Variants in ESRRG observed in about 807,000 individuals in gnomAD.
The protein encoded by ESRRG is estrogen related receptor gamma.
Under a neutral mutation model 44.0 loss-of-function variants are expected in ESRRG, and 13 were observed. That is an observed-to-expected ratio of 0.30 (90% CI 0.19 to 0.47). The LOEUF is 0.47. ESRRG is among the 20% of genes least tolerant of loss of function. The pLI, the probability that ESRRG is intolerant of heterozygous loss-of-function variation, is 1.00. For synonymous variants in ESRRG, 215 were observed against 214.6 expected (o/e 1.00, Z -0.02); for missense variants, 395 against 580.6 (o/e 0.68, Z 3.29).
chr1:216,930,041 G>A (rs1438320953), intron 2 of ESRRG, among the ~76,000 whole-genome samples: 1 of 152,090 alleles, frequency 6.6e-6, no homozygotes, highest in East Asian at 1.9e-4. Flanking sequence ...GTCCAGGAGA[G>A]ACCCCTCACC....
At chr1:216,947,094 C>T (rs2066181193) in intron 1 of ESRRG, among the ~76,000 whole-genome samples, 1 of 152,012 alleles carries the variant, frequency 6.6e-6, no homozygotes, top group South Asian at 2.1e-4. Flanking sequence ...TTTTTTTAAT[C>T]ACCATTATCC....
intron 2 of ESRRG, among the ~76,000 whole-genome samples, chr1:216,782,677 A>C (rs1486644043): frequency 6.6e-6 from 1 of 152,066 alleles, no homozygotes; most frequent in East Asian, 1.9e-4. Context: ...GAATGCTATA[A>C]CATTTTGTCA....
chr1:216,924,310 G>A (rs1273781234), intron 2 of ESRRG, among the ~76,000 whole-genome samples: 1 of 152,108 alleles, frequency 6.6e-6, no homozygotes, highest in Admixed American at 6.5e-5. Flanking sequence ...ATCCTAACAT[G>A]CAGATTTCCA....
intron 1 of ESRRG, among the ~76,000 whole-genome samples, chr1:217,002,539 G>A (rs1306568548): frequency 6.6e-6 from 1 of 151,996 alleles, no homozygotes; most frequent in South Asian, 2.1e-4. Context: ...TGGTCATCTA[G>A]GATGATCTTT....
At chr1:216,811,064 A>C (rs2094953914) in intron 2 of ESRRG, among the ~76,000 whole-genome samples, 1 of 152,056 alleles carries the variant, frequency 6.6e-6, no homozygotes. Flanking sequence ...AGAGAATAAC[A>C]ATGAGTAAAA....
intron 3 of ESRRG, among the ~76,000 whole-genome samples, chr1:216,643,076 C>A (rs2066776833): frequency 6.6e-6 from 1 of 152,158 alleles, no homozygotes; most frequent in South Asian, 2.1e-4. Flanking sequence ...TCAGAAGACT[C>A]TCAGAGTTCC....
chr1:216,847,787 C>T (rs1239394236), intron 2 of ESRRG, among the ~76,000 whole-genome samples: 1 of 152,046 alleles, frequency 6.6e-6, no homozygotes, highest in Non-Finnish European at 1.5e-5. Context: ...GGGTCCATGC[C>T]TAAATACAGA....
At chr1:216,778,038 C>T (rs1035274284) in intron 2 of ESRRG, among the ~76,000 whole-genome samples, 2 of 152,008 alleles carry the variant, frequency 1.3e-5, no homozygotes, top group Admixed American at 6.6e-5. Context: ...ATCTAGGAGT[C>T]ATTTGAGTTA....
chr1:216,971,536 A>T (rs537633465), intron 1 of ESRRG, among the ~76,000 whole-genome samples: 2 of 152,316 alleles, frequency 1.3e-5, no homozygotes, highest in African/African-American at 2.4e-5. Flanking sequence ...GCCTCAAAAG[A>T]TTCATCTGTT....
At chr1:217,013,415 A>T (rs1257796788) in intron 1 of ESRRG, among the ~76,000 whole-genome samples, 1 of 152,260 alleles carries the variant, frequency 6.6e-6, no homozygotes, top group Non-Finnish European at 1.5e-5. Context: ...TTTGGCAAAG[A>T]ATAATGTAAA....
intron 2 of ESRRG, among the ~76,000 whole-genome samples, chr1:216,664,144 C>G (rs1442323483): frequency 6.6e-6 from 1 of 152,030 alleles, no homozygotes; most frequent in African/African-American, 2.4e-5. Context: ...TTAAAATTCT[C>G]TCAAGAAAAA....
intron 2 of ESRRG, among the ~76,000 whole-genome samples, chr1:216,737,893 C>G (rs1213337268): frequency 6.6e-6 from 1 of 151,962 alleles, no homozygotes; most frequent in African/African-American, 2.4e-5. Flanking sequence ...AATATTCGTC[C>G]TTACATACAG....
chr1:216,842,768 C>T (rs577546729), intron 2 of ESRRG, among the ~76,000 whole-genome samples: 1 of 152,284 alleles, frequency 6.6e-6, no homozygotes, highest in South Asian at 2.1e-4. Flanking sequence ...AGCAAAGGTG[C>T]TATGACTTTG....
chr1:216,779,219 TTATATTTATAA>T lies in ESRRG; in HGVS notation c.-13-101739_-13-101729del, dbSNP rs1559602979. Among the ~76,000 whole-genome samples the T allele has an allele frequency of 9.6e-5, 3 of 31,156 alleles. 1 individual carries two copies. The highest frequency in any genetic ancestry group is 1.9e-3 in the South Asian group (2 of 1,034). 20.4% of individuals were successfully genotyped at this position (31,156 alleles called of 152,430 possible). On this transcript the variant is annotated intron_variant, in intron 2 of 7. Transcript: ENST00000359162. ...TATATTTATAAATATAAATATATAT[TTATATTTATAA>T]ATATAAATATATATTTATATTTATA...
At chr1:217,085,793 G>A (rs946902945) in intron 1 of ESRRG, among the ~76,000 whole-genome samples, 10 of 151,852 alleles carry the variant, frequency 6.6e-5, no homozygotes, top group African/African-American at 1.7e-4. Flanking sequence ...GTGCCCAGCC[G>A]AGAAAGATCT....
At chr1:216,986,641 C>T (rs113925150) in intron 1 of ESRRG, among the ~76,000 whole-genome samples, 1,651 of 150,458 alleles carry the variant, frequency 0.011, 14 homozygotes, top group Non-Finnish European at 0.015. Flanking sequence ...GCTGGAGGAT[C>T]GCTTGAGCCC....
chr1:216,761,281 C>T (rs1295876498), intron 2 of ESRRG, among the ~76,000 whole-genome samples: 2 of 151,822 alleles, frequency 1.3e-5, no homozygotes, highest in African/African-American at 4.8e-5. Flanking sequence ...CTTCTAGAGT[C>T]AGCTCTGAGT....
At chr1:216,827,349 T>A (rs2095414785) in intron 2 of ESRRG, among the ~76,000 whole-genome samples, 1 of 152,206 alleles carries the variant, frequency 6.6e-6, no homozygotes, top group Admixed American at 6.5e-5. Context: ...TCAAATGTGA[T>A]CCATAGTTAC....
At chr1:216,964,107 A>G (rs1560283121) in intron 1 of ESRRG, among the ~76,000 whole-genome samples, 1 of 152,202 alleles carries the variant, frequency 6.6e-6, no homozygotes, top group African/African-American at 2.4e-5. Flanking sequence ...AGACAGGTGC[A>G]CAGAATAGAG....
Sources: allele counts gnomAD v4.1 joint callset (sites outside exome capture counted in the v4.1 genomes callset), GRCh38; gene constraint gnomAD v4.1.1; transcripts MANE v1.5; gene names NCBI Gene and HGNC (gene_info 2026-07-23, HGNC 2026-07-21).